Variants in TMEM33 observed in about 807,000 individuals in gnomAD.
TMEM33 encodes the protein transmembrane protein 33.
TMEM33 carries 16 observed loss-of-function variants against 29.7 expected under a neutral mutation model. The observed-to-expected ratio is 0.54, with a 90% confidence interval of 0.36 to 0.82. The LOEUF is 0.82. TMEM33 is among the 40% of genes least tolerant of loss of function. The pLI, the probability that TMEM33 is intolerant of heterozygous loss-of-function variation, is 0.00. For missense variants in TMEM33, 252 were observed against 295.3 expected, an observed-to-expected ratio of 0.85 and a Z score of 1.08; for synonymous variants, 112 against 109.4, an observed-to-expected ratio of 1.02 and a Z score of -0.15.
chr4:41,955,902 G>A lies in TMEM33; in HGVS notation c.*1703G>A, dbSNP rs959762095. The A allele has an allele frequency of 6.6e-6, 1 of 152,622 alleles. No homozygotes were observed. The highest frequency in any genetic ancestry group is 6.5e-5 in the Admixed American group (1 of 15,284). The allele number at this position is 152,622 out of a possible 1,614,324, so 9.5% of individuals were successfully genotyped here. On this transcript the variant is annotated 3_prime_UTR_variant, in exon 7 of 7. Transcript: ENST00000504986. Reference sequence around the variant, plus strand: ...CTGAAGTCATGTTTATTTTGAAGCTGTTAGTTTTTTCCTATAATTTAAAAA... The same window carrying A: ...CTGAAGTCATGTTTATTTTGAAGCTATTAGTTTTTTCCTATAATTTAAAAA...
intron 3 of TMEM33, among the ~76,000 whole-genome samples, chr4:41,942,960 T>G (rs1430780041): frequency 1.3e-5 from 2 of 152,198 alleles, no homozygotes; most frequent in Non-Finnish European, 2.9e-5. Flanking sequence ...ATAAAAGATC[T>G]TTAGTCTTTG....
At chr4:41,953,830 A>C (rs551631774) in intron 6 of TMEM33, 1 of 525,628 alleles carries the variant, frequency 1.9e-6, no homozygotes, top group Non-Finnish European at 3.6e-6. Flanking sequence ...ATCACAGATC[A>C]CCATAATAGA....
At position 41,944,910 on chromosome 4, in the gene TMEM33, G is replaced by T. The variant is rs745345411; in HGVS notation, c.514G>T (p.Val172Phe). ...CNEIFLMPAT[V>F]FMLFSGQGSL... ...TGAAATATTCCTGATGCCTGCGACA[G>T]TTTTTATGCTTTTTAGGTAAGGAAA... Residue 172 changes from valine to phenylalanine, a missense_variant, in exon 5 of 7, where the codon GTT (valine) becomes TTT (phenylalanine). By Grantham distance (50) the Val-to-Phe change is conservative. Transcript: ENST00000504986. The T allele has an allele frequency of 6.2e-7, 1 of 1,611,982 alleles. No homozygotes were observed. Among genetic ancestry groups the T allele is most frequent in the African/African-American group, 1.3e-5 (1 of 74,936 alleles).
Position 41,956,938 on chromosome 4 carries a change from A to C in TMEM33, c.*2739A>C, listed in dbSNP as rs1713299616. On this transcript the variant is annotated 3_prime_UTR_variant, in exon 7 of 7. Transcript: ENST00000504986. ...TTATAGTGTTACATGTATACCTATC[A>C]AATTAAAATTAAGGAAATACAATAG... The C allele has an allele frequency of 6.6e-6, 1 of 152,228 alleles. No homozygotes were observed. The highest frequency in any genetic ancestry group is 2.1e-4 in the South Asian group (1 of 4,832). 9.4% of individuals were successfully genotyped at this position (152,228 alleles called of 1,614,324 possible).
chr4:41,937,688 A>G (rs1712308758), intron 1 of TMEM33, among the ~76,000 whole-genome samples: 1 of 152,228 alleles, frequency 6.6e-6, no homozygotes, highest in Non-Finnish European at 1.5e-5. Flanking sequence ...ATATCCATGT[A>G]TATGGATCTC....
In TMEM33 at chr4:41,939,967, T is replaced by C. The variant is rs988682260; in HGVS notation, c.328+584T>C. 5.7e-5 allele frequency: 21 copies of C among 367,146 alleles called. No individual in the cohort carries two copies. In the East Asian group the frequency reaches 1.5e-3, roughly 26 times the overall value. 22.7% of individuals were successfully genotyped at this position (367,146 alleles called of 1,614,324 possible). ...ATGTTTTCACATTTCAAAGGTGTGTTGTGGGATGATACTGGGTAGTCCATA... is the reference window on the plus strand; with the variant it reads ...ATGTTTTCACATTTCAAAGGTGTGTCGTGGGATGATACTGGGTAGTCCATA... On this transcript the variant is annotated intron_variant, in intron 3 of 6. Coordinates refer to ENST00000504986, the MANE Select transcript of TMEM33 (RefSeq NM_018126.3).
At chr4:41,937,240 C>T (rs1339660855) in intron 1 of TMEM33, among the ~76,000 whole-genome samples, 1 of 152,174 alleles carries the variant, frequency 6.6e-6, no homozygotes, top group Non-Finnish European at 1.5e-5. Flanking sequence ...TGTTCTAAAA[C>T]TAACTTTCAA....
chr4:41,941,889 A>T (rs1454568761), intron 3 of TMEM33, among the ~76,000 whole-genome samples: 1 of 152,242 alleles, frequency 6.6e-6, no homozygotes, highest in Non-Finnish European at 1.5e-5. Flanking sequence ...CATTGTATTA[A>T]TAGTTTAAGA....
intron 6 of TMEM33, among the ~76,000 whole-genome samples, chr4:41,950,094 G>A (rs189999071): frequency 3.9e-5 from 6 of 152,204 alleles, no homozygotes; most frequent in African/African-American, 1.4e-4. Context: ...TGATGGTTTT[G>A]ACATCGTCAG....
chr4:41,943,713 A>T (rs754211754), intron 3 of TMEM33, 34 bp from the exon 4 acceptor site: 2 of 1,591,332 alleles, frequency 1.3e-6, no homozygotes, highest in Non-Finnish European at 1.7e-6. Context: ...ATACTTGATG[A>T]CTTTTAAATG....
intron 3 of TMEM33, 103 bp downstream of exon 3, chr4:41,939,486 G>A (rs1712413128): frequency 8.1e-7 from 1 of 1,232,260 alleles, no homozygotes; most frequent in South Asian, 1.4e-5. Flanking sequence ...GCCTGGGTTT[G>A]TTCTCGGCAC....
upstream of TMEM33, chr4:41,935,376 C>T: frequency 8.2e-7 from 1 of 1,218,362 alleles, no homozygotes; most frequent in Non-Finnish European, 1.2e-6. Flanking sequence ...CTGTGTGTGG[C>T]GCGAGGCAGG....
intron 5 of TMEM33, 92 bp downstream of exon 5, chr4:41,945,018 G>A: frequency 6.7e-7 from 1 of 1,503,678 alleles, no homozygotes; most frequent in Non-Finnish European, 8.9e-7. Context: ...TCTGTTGAAG[G>A]TAGGTATTGA....
intron 5 of TMEM33, among the ~76,000 whole-genome samples, chr4:41,947,590 T>C (rs1208408660): frequency 6.6e-6 from 1 of 152,190 alleles, no homozygotes; most frequent in African/African-American, 2.4e-5. Context: ...AATGTTTAAA[T>C]AGAGAAATAA....
chr4:41,953,940 G>A, intron 6 of TMEM33, 130 bp from the exon 7 acceptor site: 1 of 1,098,804 alleles, frequency 9.1e-7, no homozygotes, highest in East Asian at 2.5e-5. Flanking sequence ...TGATAGTCTT[G>A]CTGTATGCGG....
At chr4:41,943,619 T>G in intron 3 of TMEM33, 128 bp from the exon 4 acceptor site, 2 of 745,000 alleles carry the variant, frequency 2.7e-6, no homozygotes, top group Non-Finnish European at 4.4e-6. Flanking sequence ...AGTGTATCAG[T>G]AAAACAAGCC....
chr4:41,938,548 C>CT, intron 1 of TMEM33, 54 bp from the exon 2 acceptor site: 2 of 1,519,740 alleles, frequency 1.3e-6, no homozygotes, highest in Non-Finnish European at 1.8e-6. Context: ...AGTCTTGATG[C>CT]TTAAAAACAT....
Position 41,940,219 on chromosome 4 carries a change from G to A in TMEM33, c.328+836G>A, listed in dbSNP as rs976044738. Among the ~76,000 whole-genome samples the A allele has an allele frequency of 2.6e-5, 4 of 152,128 alleles. No homozygotes were observed. In the South Asian group the frequency reaches 8.3e-4, roughly 31 times the overall value. ...TGGCTTTGGTATTCTAACGTGTGTT[G>A]TGAAACTAAGAGAGTTAGTAGGGTT... On this transcript the variant is annotated intron_variant, in intron 3 of 6. Transcript: ENST00000504986.
chr4:41,957,643 GA>G lies in TMEM33; in HGVS notation c.*3445del, dbSNP rs1376922819. 1 of 151,384 alleles carries G rather than the reference GA, an allele frequency of 6.6e-6. No individual in the cohort carries two copies. The highest frequency in any genetic ancestry group is 1.5e-5 in the Non-Finnish European group (1 of 67,882). The allele number at this position is 151,384 out of a possible 1,614,324, so 9.4% of individuals were successfully genotyped here. A position where few individuals can be genotyped will look rare whatever the true frequency, so the allele number is the denominator to read the frequency against. On this transcript the variant is annotated 3_prime_UTR_variant, in exon 7 of 7. Coordinates refer to ENST00000504986, the MANE Select transcript of TMEM33 (RefSeq NM_018126.3). ...TAGTTCAGAATAACATTAATTTTGA[GA>G]GATTGAGGTAAAGAACCTTAACTAA...
Sources: gnomAD v4.1 joint callset for allele counts (sites outside exome capture counted in the v4.1 genomes callset) on GRCh38, gnomAD v4.1.1 for gene constraint, MANE v1.5 for transcripts, NCBI Gene and HGNC (gene_info 2026-07-23, HGNC 2026-07-21) for gene names.